Variants in KLHL4 observed in about 807,000 individuals in gnomAD.
KLHL4 encodes the protein kelch like family member 4.
A neutral mutation model predicts 45.8 loss-of-function variants in KLHL4; 17 were observed. That is an observed-to-expected ratio of 0.37 (90% CI 0.25 to 0.56). The LOEUF is 0.56. Among genes scored for constraint, KLHL4 ranks in the 20% least tolerant of loss-of-function variants. The pLI is 0.79. For synonymous variants in KLHL4, 224 were observed against 189.9 expected (o/e 1.18, Z -1.47); for missense variants, 544 against 544.9 (o/e 1.00, Z 0.02).
intron 1 of KLHL4, among the ~76,000 whole-genome samples, chrX:87,551,591 A>G (rs764423035): frequency 5.4e-4 from 58 of 108,127 alleles, no homozygotes; most frequent in Middle Eastern, 9.5e-3. Flanking sequence ...AGATAGGTAG[A>G]TAGATAGATA....
intron 1 of KLHL4, among the ~76,000 whole-genome samples, chrX:87,596,401 G>A (rs192035750): frequency 5.1e-4 from 57 of 111,718 alleles, no homozygotes; most frequent in African/African-American, 1.3e-3. Context: ...ATGGGATATC[G>A]TATTTTACAA....
intron 1 of KLHL4, among the ~76,000 whole-genome samples, chrX:87,608,081 A>T (rs1255483601): frequency 1.8e-5 from 2 of 111,609 alleles, no homozygotes; most frequent in Non-Finnish European, 3.8e-5. Context: ...CTGATGTCAA[A>T]CCTAGAAATC....
chrX:87,607,307 A>G (rs772975358), intron 1 of KLHL4, among the ~76,000 whole-genome samples: 2 of 111,050 alleles, frequency 1.8e-5, no homozygotes, highest in East Asian at 2.8e-4. Flanking sequence ...ATTATCAACA[A>G]TGGCATATGT....
intron 9 of KLHL4, among the ~76,000 whole-genome samples, chrX:87,657,066 C>T (rs1924014748): frequency 8.9e-6 from 1 of 112,084 alleles, no homozygotes; most frequent in Non-Finnish European, 1.9e-5. Context: ...TCCATTGGAG[C>T]TGGGGTGGCA....
chrX:87,616,739 G>T (rs934221796), intron 3 of KLHL4, among the ~76,000 whole-genome samples: 2 of 111,679 alleles, frequency 1.8e-5, no homozygotes, highest in African/African-American at 6.5e-5. Flanking sequence ...TATAGCAGAT[G>T]AATATTTATA....
intron 2 of KLHL4, 104 bp from the exon 3 acceptor site, chrX:87,614,330 G>A (rs973440162): frequency 7.7e-6 from 6 of 780,542 alleles, no homozygotes; most frequent in Non-Finnish European, 1.1e-5. Flanking sequence ...AGATTTTATG[G>A]AGAAAACAGA....
At chrX:87,572,342 A>C (rs1932350673) in intron 1 of KLHL4, among the ~76,000 whole-genome samples, 1 of 111,077 alleles carries the variant, frequency 9.0e-6, no homozygotes, top group Non-Finnish European at 1.9e-5. Flanking sequence ...TTTGATCAGT[A>C]ATCTATACAT....
intron 1 of KLHL4, among the ~76,000 whole-genome samples, chrX:87,555,710 C>G (rs1171062711): frequency 9.4e-6 from 1 of 106,353 alleles, no homozygotes; most frequent in African/African-American, 3.4e-5. Context: ...TTTTGTGTCT[C>G]TATTTCCTTC....
chrX:87,625,500 G>C, intron 5 of KLHL4, 110 bp from the exon 6 acceptor site: 1 of 608,830 alleles, frequency 1.6e-6, no homozygotes, highest in Non-Finnish European at 2.4e-6. Context: ...CAAAGTGCTG[G>C]AATTACAGGT....
intron 1 of KLHL4, among the ~76,000 whole-genome samples, chrX:87,531,062 TGTC>T (rs1010330463): frequency 2.7e-5 from 3 of 112,226 alleles, no homozygotes; most frequent in Admixed American, 9.5e-5. Context: ...GCTGCATAAA[TGTC>T]TTCTTTTGAG....
intron 1 of KLHL4, among the ~76,000 whole-genome samples, chrX:87,546,937 C>T (rs947159585): frequency 8.9e-6 from 1 of 112,461 alleles, no homozygotes; most frequent in East Asian, 2.8e-4. Flanking sequence ...TTATTCAATG[C>T]CTATACCTCT....
intron 9 of KLHL4, among the ~76,000 whole-genome samples, chrX:87,639,166 G>A (rs752924216): frequency 4.5e-5 from 5 of 110,924 alleles, no homozygotes; most frequent in Non-Finnish European, 9.4e-5. Flanking sequence ...AAATATATAT[G>A]CACCTAACAC....
intron 1 of KLHL4, among the ~76,000 whole-genome samples, chrX:87,553,176 G>A (rs968633513): frequency 4.5e-5 from 5 of 110,283 alleles, no homozygotes; most frequent in Non-Finnish European, 9.5e-5. Flanking sequence ...TAGCTCTGGC[G>A]GTTTGTAGTA....
chrX:87,576,192 A>C (rs1271691000), intron 1 of KLHL4, among the ~76,000 whole-genome samples: 16 of 111,670 alleles, frequency 1.4e-4, no homozygotes, highest in Non-Finnish European at 1.9e-5. Flanking sequence ...GTTGGTGATC[A>C]TCCTTACTCT....
At chrX:87,607,706 ACTCT>A (rs1217271069) in intron 1 of KLHL4, among the ~76,000 whole-genome samples, 1 of 111,392 alleles carries the variant, frequency 9.0e-6, no homozygotes, top group Non-Finnish European at 1.9e-5. Context: ...TTACCCTTTG[ACTCT>A]CATAAACGGC....
chrX:87,546,379 C>T (rs373377358), intron 1 of KLHL4, among the ~76,000 whole-genome samples: 21 of 111,858 alleles, frequency 1.9e-4, no homozygotes, highest in East Asian at 1.1e-3. Flanking sequence ...GTGGCTTTTC[C>T]GTGGTGTTAG....
chrX:87,556,780 C>T (rs55959747), intron 1 of KLHL4, among the ~76,000 whole-genome samples: 27,840 of 110,654 alleles, frequency 0.25, 2,970 homozygotes, highest in East Asian at 0.51. Context: ...TACCATGTGC[C>T]ATATCACATG....
chrX:87,655,443 T>C (rs965642456), intron 9 of KLHL4, among the ~76,000 whole-genome samples: 5 of 112,306 alleles, frequency 4.5e-5, no homozygotes, highest in African/African-American at 1.6e-4. Flanking sequence ...TATTATGACA[T>C]TACTTGTCTT....
At chrX:87,643,827 A>G (rs1202664693) in intron 9 of KLHL4, among the ~76,000 whole-genome samples, 2 of 112,174 alleles carry the variant, frequency 1.8e-5, no homozygotes, top group South Asian at 7.4e-4. Context: ...AAGATGCAGA[A>G]AAAGCATTTG....
Sources: allele counts gnomAD v4.1 joint callset (sites outside exome capture counted in the v4.1 genomes callset), GRCh38; gene constraint gnomAD v4.1.1; transcripts MANE v1.5; gene names NCBI Gene and HGNC (gene_info 2026-07-23, HGNC 2026-07-21).